VWC2L: variants seen among roughly 807,000 people sequenced by gnomAD.
VWC2L encodes von Willebrand factor C domain-containing protein 2-like.
In VWC2L, 10 loss-of-function variants were observed where a neutral mutation model predicts 21.6. That is an observed-to-expected ratio of 0.46 (90% CI 0.29 to 0.78). The LOEUF is 0.78. Ranked by LOEUF, VWC2L falls within the 30% of genes least tolerant of loss-of-function variation. The pLI, the probability that VWC2L is intolerant of heterozygous loss-of-function variation, is 0.10. For missense variants in VWC2L, 209 were observed against 277.1 expected (o/e 0.75, Z 1.74); for synonymous variants, 96 against 94.3 (o/e 1.02, Z -0.10).
chr2:214,455,844 A>G (rs954107953), intron 3 of VWC2L, among the ~76,000 whole-genome samples: 3 of 152,084 alleles, frequency 2.0e-5, no homozygotes, highest in Admixed American at 6.6e-5. Context: ...ATGTCCTCCA[A>G]TTCTATCCAG....
chr2:214,465,256 G>A (rs1473215407), intron 3 of VWC2L, among the ~76,000 whole-genome samples: 2 of 152,154 alleles, frequency 1.3e-5, no homozygotes, highest in Non-Finnish European at 2.9e-5. Context: ...TGTGAAGCCA[G>A]CATGGTGCTA....
intron 3 of VWC2L, among the ~76,000 whole-genome samples, chr2:214,547,508 G>T (rs1370328240): frequency 6.6e-6 from 1 of 152,088 alleles, no homozygotes; most frequent in Non-Finnish European, 1.5e-5. Context: ...CTGTGTTGTT[G>T]GTGTTTCTGT....
chr2:214,425,033 C>T (rs1702501098), intron 2 of VWC2L, among the ~76,000 whole-genome samples: 1 of 152,154 alleles, frequency 6.6e-6, no homozygotes, highest in Non-Finnish European at 1.5e-5. Flanking sequence ...ATTAATAAAG[C>T]TTTATTAAAA....
chr2:214,558,917 T>A (rs926368310), intron 3 of VWC2L, among the ~76,000 whole-genome samples: 1 of 151,874 alleles, frequency 6.6e-6, no homozygotes, highest in Non-Finnish European at 1.5e-5. Context: ...CATGTGCACA[T>A]TGTGCAGGTT....
rs533922841 is a variant in VWC2L, at chr2:214,570,643, G to A, written c.521-5029G>A. ...CTCCTAAAGTGCTGGGATTACAGGC[G>A]TGAGCCACCATGCCCGGCAGGGAAA... On this transcript the variant is annotated intron_variant, in intron 3 of 3. Coordinates refer to ENST00000312504, the MANE Select transcript of VWC2L (RefSeq NM_001080500.4). Among the ~76,000 whole-genome samples the A allele has an allele frequency of 8.0e-4, 121 of 152,058 alleles. No individual in the cohort carries two copies. In the Middle Eastern group the frequency reaches 0.01, roughly 13 times the overall value.
In VWC2L at chr2:214,487,850, G is replaced by A. The variant is rs539606750; in HGVS notation, c.520+51092G>A. Among the ~76,000 whole-genome samples the A allele has an allele frequency of 3.9e-5, 6 of 152,184 alleles. 1 individual carries two copies. The South Asian group carries it at 1.2e-3, about 32-fold the overall frequency. ...AACATTCAGTTTAATTCAAATGATG[G>A]GGCTTTATTAGAATAGGTAGAGGAG... On this transcript the variant is annotated intron_variant, in intron 3 of 3. Coordinates refer to ENST00000312504, the MANE Select transcript of VWC2L (RefSeq NM_001080500.4).
At chr2:214,514,076 A>T (rs1454701898) in intron 3 of VWC2L, among the ~76,000 whole-genome samples, 1 of 152,084 alleles carries the variant, frequency 6.6e-6, no homozygotes, top group Non-Finnish European at 1.5e-5. Context: ...ACACACACTC[A>T]TGCAAACGAC....
chr2:214,473,602 T>C (rs1043056005), intron 3 of VWC2L: 2 of 152,102 alleles, frequency 1.3e-5, no homozygotes, highest in Non-Finnish European at 2.9e-5. Context: ...CATGGTCACA[T>C]CTAATTGTGA....
At chr2:214,545,701 T>C (rs1689695189) in intron 3 of VWC2L, among the ~76,000 whole-genome samples, 1 of 152,160 alleles carries the variant, frequency 6.6e-6, no homozygotes, top group Non-Finnish European at 1.5e-5. Context: ...ACATTGAAAA[T>C]AGAGCTTCAA....
intron 3 of VWC2L, among the ~76,000 whole-genome samples, chr2:214,490,623 G>T (rs565023145): frequency 8.5e-5 from 13 of 152,260 alleles, no homozygotes; most frequent in Non-Finnish European, 1.5e-5. Flanking sequence ...GGACCAAAAA[G>T]AGAGTACAAA....
intron 3 of VWC2L, among the ~76,000 whole-genome samples, chr2:214,552,009 T>G (rs1689802801): frequency 6.6e-6 from 1 of 152,248 alleles, no homozygotes; most frequent in Non-Finnish European, 1.5e-5. Flanking sequence ...CAAAAGAATT[T>G]TTCTTCCTTT....
chr2:214,435,685 T>A (rs983992264), intron 2 of VWC2L, among the ~76,000 whole-genome samples: 2 of 152,110 alleles, frequency 1.3e-5, no homozygotes, highest in African/African-American at 4.8e-5. Flanking sequence ...AACAAATGGC[T>A]TGATTTGAGA....
intron 3 of VWC2L, among the ~76,000 whole-genome samples, chr2:214,494,172 A>C (rs1688780736): frequency 6.6e-6 from 1 of 152,102 alleles, no homozygotes. Flanking sequence ...GCATAACTTT[A>C]TTCCCACATA....
intron 3 of VWC2L, among the ~76,000 whole-genome samples, chr2:214,445,463 A>G (rs1303418859): frequency 6.6e-6 from 1 of 151,886 alleles, no homozygotes; most frequent in African/African-American, 2.4e-5. Context: ...TGTTTACAAT[A>G]TTAAACTAAT....
chr2:214,422,002 G>C (rs1462373119), intron 2 of VWC2L, among the ~76,000 whole-genome samples: 1 of 143,156 alleles, frequency 7.0e-6, no homozygotes, highest in African/African-American at 2.6e-5. Flanking sequence ...CCATTCTCCT[G>C]CCTCAGCCTC....
At chr2:214,555,725 G>T (rs1689863318) in intron 3 of VWC2L, among the ~76,000 whole-genome samples, 1 of 152,074 alleles carries the variant, frequency 6.6e-6, no homozygotes, top group South Asian at 2.1e-4. Flanking sequence ...TCACAAGCAA[G>T]AATAAAAACT....
chr2:214,507,266 A>G (rs1404676517), intron 3 of VWC2L, among the ~76,000 whole-genome samples: 1 of 152,192 alleles, frequency 6.6e-6, no homozygotes, highest in East Asian at 1.9e-4. Context: ...AAGACAAATG[A>G]TATTATCTAC....
At chr2:214,433,183 T>TATATATATATATA (rs1278271015) in intron 2 of VWC2L, among the ~76,000 whole-genome samples, 1 of 114,048 alleles carries the variant, frequency 8.8e-6, no homozygotes, top group East Asian at 3.0e-4. Flanking sequence ...TATATATATA[T>TATATATATATATA]TATATATAAA....
At chr2:214,513,190 T>A (rs1470463267) in intron 3 of VWC2L, among the ~76,000 whole-genome samples, 1 of 152,106 alleles carries the variant, frequency 6.6e-6, no homozygotes, top group Non-Finnish European at 1.5e-5. Flanking sequence ...GACAAGTGAT[T>A]ACTGTCGGGT....
Sources: allele counts gnomAD v4.1 joint callset (sites outside exome capture counted in the v4.1 genomes callset), GRCh38; gene constraint gnomAD v4.1.1; transcripts MANE v1.5; gene names NCBI Gene and HGNC (gene_info 2026-07-23, HGNC 2026-07-21).